Variants in GALNT15 observed in about 807,000 individuals in gnomAD.
GALNT15 encodes UDP-GalNAc transferase T15.
In GALNT15, 67 loss-of-function variants were observed where a neutral mutation model predicts 66.8. The ratio of observed to expected loss-of-function variants is 1.00; its 90% CI spans 0.82 to 1.23. The LOEUF (loss-of-function observed/expected upper bound fraction) is 1.23. GALNT15 is among the 50% of genes most tolerant of loss of function. GALNT15 has a pLI of 0.00. For missense variants in GALNT15, 827 were observed against 804.3 expected (o/e 1.03, Z -0.34); for synonymous variants, 313 against 311.5 (o/e 1.00, Z -0.05).
chr3:16,215,916 A>AAACAAAAACAAAAAAAAAAAAAAC lies in GALNT15; in HGVS notation c.1392+3155_1392+3156insCAAAAACAAAAAAAAAAAAAACAA, dbSNP rs1019009823. On this transcript the variant is annotated intron_variant, in intron 6 of 9. Coordinates refer to ENST00000339732, the MANE Select transcript of GALNT15 (RefSeq NM_054110.5). Reference sequence around the variant, plus strand: ...AGAGGGAGACTCCGCCAAAAAAAAAAAAAAAAAAAGAAGAGGAAGAAGAAG... The same window carrying AAACAAAAACAAAAAAAAAAAAAAC: ...AGAGGGAGACTCCGCCAAAAAAAAAAAACAAAAACAAAAAAAAAAAAAACAAAAAAAAAGAAGAGGAAGAAGAAG... Among the ~76,000 whole-genome samples, 5 of 143,530 alleles carry AAACAAAAACAAAAAAAAAAAAAAC rather than the reference A, an allele frequency of 3.5e-5. No individual in the cohort carries two copies. The South Asian group carries it at 1.2e-3, about 36-fold the overall frequency. 94.2% of individuals were successfully genotyped at this position (143,530 alleles called of 152,430 possible). A position where few individuals can be genotyped will look rare whatever the true frequency, so the allele number is the denominator to read the frequency against.
chr3:16,180,160 G>C lies in GALNT15; in HGVS notation c.539+4470G>C, dbSNP rs2063454394. ...ATTCCTCCAGTTTCTGATTCAGTGG[G>C]TGTGAAGTGGGGCTCAACATTTGCA... On this transcript the variant is annotated intron_variant, in intron 1 of 9. Transcript: ENST00000339732. The surrounding 1 kb of genome is among the most constrained non-coding windows in gnomAD (Gnocchi z 5.0). Among the ~76,000 whole-genome samples the C allele has an allele frequency of 6.6e-6, 1 of 152,198 alleles. No individual in the cohort carries two copies. Among genetic ancestry groups the C allele is most frequent in the African/African-American group, 2.4e-5 (1 of 41,440 alleles).
At chr3:16,196,247 C>T (rs1039556210) in intron 2 of GALNT15, among the ~76,000 whole-genome samples, 7 of 152,232 alleles carry the variant, frequency 4.6e-5, no homozygotes, top group Admixed American at 2.0e-4. Flanking sequence ...AATCCTCTCT[C>T]CAAGACACTG....
the GALNT15 span, among the ~76,000 whole-genome samples, chr3:16,243,676 G>A: frequency 6.6e-6 from 1 of 152,228 alleles, no homozygotes; most frequent in African/African-American, 2.4e-5. Flanking sequence ...GGAAAAGATT[G>A]GGAAGCATGG....
chr3:16,234,942 T>G (rs1445403212), downstream of GALNT15, among the ~76,000 whole-genome samples: 2 of 148,642 alleles, frequency 1.3e-5, no homozygotes, highest in Non-Finnish European at 3.0e-5. Context: ...TTTTTTTTTT[T>G]GTTGGAGTCT....
downstream of GALNT15, among the ~76,000 whole-genome samples, chr3:16,233,454 C>A (rs1001692421): frequency 6.6e-6 from 1 of 152,076 alleles, no homozygotes; most frequent in Non-Finnish European, 1.5e-5. Context: ...TCTTCTTTTC[C>A]CTCAGCATTC....
chr3:16,209,042 G>T lies in GALNT15; in HGVS notation c.1079+372G>T, dbSNP rs1456881119. On this transcript the variant is annotated intron_variant, in intron 4 of 9. Transcript: ENST00000339732. The surrounding 1 kb of genome is among the most constrained non-coding windows in gnomAD (Gnocchi z 4.1). Reference sequence around the variant, plus strand: ...AATCTTGGCCCAGCTCTCTCATCAGGTACAGTGTGAATTCCTCAGGTCTCG... The same window carrying T: ...AATCTTGGCCCAGCTCTCTCATCAGTTACAGTGTGAATTCCTCAGGTCTCG... Among the ~76,000 whole-genome samples, 1 of 152,272 alleles carries T rather than the reference G, an allele frequency of 6.6e-6. No homozygotes were observed. Among genetic ancestry groups the T allele is most frequent in the East Asian group, 1.9e-4 (1 of 5,186 alleles).
intron 8 of GALNT15, among the ~76,000 whole-genome samples, chr3:16,220,416 G>A (rs2124899724): frequency 1.3e-5 from 2 of 152,314 alleles, no homozygotes; most frequent in East Asian, 3.9e-4. Flanking sequence ...AGGATCTAGA[G>A]AAAACAGGGT....
rs2064009092 is a variant in GALNT15 at position 16,225,963 on chromosome 3, C to T, written c.1774-1391C>T. ...ACACGGGAGGCTGCAGTAGGAGAAT[C>T]GCTTGAACCTGGGAGATGGAGGTTG... On this transcript the variant is annotated intron_variant, in intron 9 of 9. Transcript: ENST00000339732. The surrounding 1 kb of genome is among the most constrained non-coding windows in gnomAD (Gnocchi z 4.4). Among the ~76,000 whole-genome samples, 2 of 151,338 alleles carry T rather than the reference C, an allele frequency of 1.3e-5. No homozygotes were observed. Among genetic ancestry groups the T allele is most frequent in the African/African-American group, 4.9e-5 (2 of 41,118 alleles).
downstream of GALNT15, among the ~76,000 whole-genome samples, chr3:16,232,471 T>TAAATAAATAAATAAATAA (rs201364608): frequency 5.0e-4 from 22 of 44,084 alleles, no homozygotes; most frequent in African/African-American, 2.0e-3. Context: ...AATAAATAAA[T>TAAATAAATAAATAAATAA]ATATATATAT....
chr3:16,222,590 C>T lies in GALNT15; in HGVS notation c.1630-25C>T, dbSNP rs1370096240. On this transcript the variant is annotated intron_variant, in intron 8 of 9. Coordinates refer to ENST00000339732, the MANE Select transcript of GALNT15 (RefSeq NM_054110.5). Reference sequence around the variant, plus strand: ...TGAAGAGGATCTCTTTCTAGCTGCGCTAACAACTATTGCTTCTGTCACAGT... The same window carrying T: ...TGAAGAGGATCTCTTTCTAGCTGCGTTAACAACTATTGCTTCTGTCACAGT... 3.7e-6 allele frequency: 6 copies of T among 1,614,058 alleles called. 1 individual carries two copies. The highest frequency in any genetic ancestry group is 3.3e-5 in the South Asian group (3 of 91,060).
chr3:16,243,495 G>T, the GALNT15 span, among the ~76,000 whole-genome samples: 2 of 152,212 alleles, frequency 1.3e-5, no homozygotes, highest in Non-Finnish European at 2.9e-5. Flanking sequence ...GCTTCCCTTG[G>T]GGCTATGCCC....
At chr3:16,226,513 G>T (rs1299473593) in intron 9 of GALNT15, among the ~76,000 whole-genome samples, 1 of 152,168 alleles carries the variant, frequency 6.6e-6, no homozygotes, top group African/African-American at 2.4e-5. Flanking sequence ...AGCAAGCCCC[G>T]TCCTTACATG....
chr3:16,212,037 G>A (rs2124887243), intron 5 of GALNT15, among the ~76,000 whole-genome samples: 1 of 152,310 alleles, frequency 6.6e-6, no homozygotes, highest in Non-Finnish European at 1.5e-5. Context: ...TGGAATGAAA[G>A]TCTTCCTGCC....
At chr3:16,239,079 G>T in the GALNT15 span, among the ~76,000 whole-genome samples, 1 of 152,076 alleles carries the variant, frequency 6.6e-6, no homozygotes, top group Non-Finnish European at 1.5e-5. The surrounding 1 kb of genome is among the most constrained non-coding windows in gnomAD (Gnocchi z 5.2). Flanking sequence ...TGACATCCTG[G>T]CCCCAGAATC....
intron 6 of GALNT15, among the ~76,000 whole-genome samples, chr3:16,215,920 A>G (rs1372110378): frequency 6.6e-6 from 1 of 151,358 alleles, no homozygotes; most frequent in Non-Finnish European, 1.5e-5. Context: ...AAAAAAAAAA[A>G]AAAAAGAAGA....
the GALNT15 span, among the ~76,000 whole-genome samples, chr3:16,240,730 C>A: frequency 1.4e-5 from 2 of 144,606 alleles, no homozygotes; most frequent in African/African-American, 5.1e-5. Context: ...CACACTCAAG[C>A]ACCTTCAATC....
Position 16,229,630 on chromosome 3 carries a change from G to GA in GALNT15, c.*2138dup, listed in dbSNP as rs1194275649. ...CGTGTAAATGGTATTAGCGGCTGAA[G>GA]AAAAAAAATTTTTCAAGACCTCTGT... On this transcript the variant is annotated 3_prime_UTR_variant, in exon 10 of 10. Transcript: ENST00000339732. 3.0e-6 allele frequency: 3 copies of GA among 985,094 alleles called. No individual in the cohort carries two copies. Among genetic ancestry groups the GA allele is most frequent in the Non-Finnish European group, 2.4e-6 (2 of 829,808 alleles). The allele number at this position is 985,094 out of a possible 1,614,324, so 61.0% of individuals were successfully genotyped here. A position where few individuals can be genotyped will look rare whatever the true frequency, so the allele number is the denominator to read the frequency against.
Position 16,219,887 on chromosome 3 carries a change from C to T in GALNT15, c.1525-23C>T, listed in dbSNP as rs2063922765. The T allele has an allele frequency of 6.3e-7, 1 of 1,584,608 alleles. No individual in the cohort carries two copies. Among genetic ancestry groups the T allele is most frequent in the Non-Finnish European group, 8.7e-7 (1 of 1,153,554 alleles). ...TTTACAGTGGAATCTGGAATTCACT[C>T]CTGTGTGTGTGTCCACTTTCAGCTC... On this transcript the variant is annotated intron_variant, in intron 7 of 9. Transcript: ENST00000339732. This position sits in a 1 kb window ranked among gnomAD's most constrained non-coding sequence, Gnocchi z 4.3.
intron 8 of GALNT15, among the ~76,000 whole-genome samples, chr3:16,221,144 G>A (rs928667888): frequency 1.7e-4 from 26 of 150,526 alleles, no homozygotes; most frequent in Admixed American, 1.7e-3. Context: ...GAATAATGCA[G>A]CCTCTACAGA....
Sources: gnomAD v4.1 joint callset for allele counts (sites outside exome capture counted in the v4.1 genomes callset) on GRCh38, gnomAD v4.1.1 for gene constraint, Gnocchi (gnomAD v3.1) non-coding constraint, MANE v1.5 for transcripts, NCBI Gene and HGNC (gene_info 2026-07-23, HGNC 2026-07-21) for gene names.